Variants in MIPOL1 observed in about 807,000 individuals in gnomAD.
MIPOL1 encodes mirror-image polydactyly gene 1 protein.
Under a neutral mutation model 60.9 loss-of-function variants are expected in MIPOL1, and 57 were observed. That is an observed-to-expected ratio of 0.94 (90% CI 0.76 to 1.17). The LOEUF (loss-of-function observed/expected upper bound fraction) is 1.17. Among genes scored for constraint, MIPOL1 ranks in the 50% most tolerant of loss-of-function variants. The pLI is 0.00. For synonymous variants in MIPOL1, 179 were observed against 168.8 expected (o/e 1.06, Z -0.47); for missense variants, 551 against 511.6 (o/e 1.08, Z -0.74).
intron 1 of MIPOL1, among the ~76,000 whole-genome samples, chr14:37,222,211 C>T (rs117679242): frequency 0.015 from 2,191 of 150,132 alleles, 22 homozygotes; most frequent in Middle Eastern, 0.024. Context: ...AACCTAACAG[C>T]GAAAACATTG....
In MIPOL1 at chr14:37,496,888, C is replaced by T. The variant is rs2095139127; in HGVS notation, c.1032-3020C>T. Among the ~76,000 whole-genome samples, 3 of 151,878 alleles carry T rather than the reference C, an allele frequency of 2.0e-5. No homozygotes were observed. The South Asian group carries it at 6.2e-4, about 32-fold the overall frequency. ...AACAAAGCTGGAGGCATCACACTAC[C>T]TGACTTCAAACTATACTACAAGGCT... On this transcript the variant is annotated intron_variant, in intron 11 of 12. Coordinates refer to ENST00000684589, the MANE Select transcript of MIPOL1 (RefSeq NM_001388067.1).
chr14:37,467,382 A>T (rs564137081), intron 11 of MIPOL1, among the ~76,000 whole-genome samples: 22 of 152,236 alleles, frequency 1.4e-4, no homozygotes, highest in Non-Finnish European at 2.5e-4. Context: ...AATGATTAAC[A>T]CTTCTCTATA....
At chr14:37,341,626 G>A (rs1302686206) in intron 9 of MIPOL1, among the ~76,000 whole-genome samples, 1 of 151,914 alleles carries the variant, frequency 6.6e-6, no homozygotes, top group Admixed American at 6.6e-5. Context: ...TTTTTTATAA[G>A]TTTAGATGGG....
intron 3 of MIPOL1, among the ~76,000 whole-genome samples, chr14:37,249,145 A>G (rs1973682335): frequency 6.6e-6 from 1 of 152,110 alleles, no homozygotes; most frequent in African/African-American, 2.4e-5. Flanking sequence ...TTCTTTCTGA[A>G]TGTGATATTA....
chr14:37,313,855 C>T (rs1250438172), intron 9 of MIPOL1, among the ~76,000 whole-genome samples: 2 of 152,208 alleles, frequency 1.3e-5, no homozygotes, highest in African/African-American at 2.4e-5. Flanking sequence ...GAGCAAAGCA[C>T]AGCAAGGCAA....
intron 7 of MIPOL1, among the ~76,000 whole-genome samples, chr14:37,293,293 C>G (rs903353457): frequency 2.6e-5 from 4 of 152,064 alleles, no homozygotes; most frequent in African/African-American, 7.2e-5. Flanking sequence ...ATCTTTGCAC[C>G]CTGCACCCCC....
intron 9 of MIPOL1, among the ~76,000 whole-genome samples, chr14:37,358,273 A>G (rs557682899): frequency 1.3e-5 from 2 of 152,186 alleles, no homozygotes; most frequent in East Asian, 1.9e-4. Context: ...AATCTTTGCT[A>G]TTGTGAATAG....
At chr14:37,279,064 A>T (rs1459973115) in intron 6 of MIPOL1, among the ~76,000 whole-genome samples, 2 of 151,438 alleles carry the variant, frequency 1.3e-5, no homozygotes, top group Non-Finnish European at 3.0e-5. Context: ...ACACCCAATG[A>T]TTTGTTTTAC....
intron 1 of MIPOL1, among the ~76,000 whole-genome samples, chr14:37,209,222 T>C (rs973533997): frequency 2.0e-5 from 3 of 152,242 alleles, no homozygotes; most frequent in African/African-American, 7.2e-5. Context: ...TTTCTTTTGA[T>C]TAATCTGTGC....
intron 9 of MIPOL1, among the ~76,000 whole-genome samples, chr14:37,353,882 A>G (rs1192008300): frequency 1.3e-5 from 2 of 151,956 alleles, no homozygotes; most frequent in Non-Finnish European, 2.9e-5. Context: ...AATTTTTTGA[A>G]TGGTTTTTTG....
At chr14:37,241,317 C>T (rs755619230) in intron 1 of MIPOL1, among the ~76,000 whole-genome samples, 2 of 152,062 alleles carry the variant, frequency 1.3e-5, no homozygotes, top group Non-Finnish European at 2.9e-5. Context: ...AGTCCACTTT[C>T]CCCAGTACAC....
chr14:37,463,687 C>T (rs2094566192), intron 11 of MIPOL1, among the ~76,000 whole-genome samples: 1 of 152,142 alleles, frequency 6.6e-6, no homozygotes, highest in African/African-American at 2.4e-5. Flanking sequence ...CTCTTCCGGA[C>T]ATCAGCCTAA....
intron 6 of MIPOL1, among the ~76,000 whole-genome samples, chr14:37,282,834 A>G (rs1439498465): frequency 6.6e-6 from 1 of 151,664 alleles, no homozygotes; most frequent in South Asian, 2.1e-4. Context: ...AGTATTCAGC[A>G]TGGATCTAAT....
chr14:37,407,436 A>G (rs113416695), intron 10 of MIPOL1, among the ~76,000 whole-genome samples: 2,155 of 152,256 alleles, frequency 0.014, 24 homozygotes, highest in Non-Finnish European at 0.023. Context: ...GGAATATTTC[A>G]ATTTCTATTT....
chr14:37,230,065 TTG>T (rs1447597425), intron 1 of MIPOL1, among the ~76,000 whole-genome samples: 3 of 152,200 alleles, frequency 2.0e-5, no homozygotes, highest in African/African-American at 7.2e-5. Context: ...AGAGTAGATT[TTG>T]TGTTTTCACC....
intron 9 of MIPOL1, among the ~76,000 whole-genome samples, chr14:37,327,825 A>C (rs189299432): frequency 1.3e-5 from 2 of 152,318 alleles, no homozygotes. Flanking sequence ...AAGGCAGAAG[A>C]ATAGCAAGTT....
At chr14:37,540,847 T>C (rs2095526837) in intron 12 of MIPOL1, among the ~76,000 whole-genome samples, 1 of 152,218 alleles carries the variant, frequency 6.6e-6, no homozygotes, top group African/African-American at 2.4e-5. Flanking sequence ...GGTTCCCTTT[T>C]AGTACTTTCA....
intron 10 of MIPOL1, among the ~76,000 whole-genome samples, chr14:37,398,429 A>G (rs2093419343): frequency 6.6e-6 from 1 of 152,078 alleles, no homozygotes; most frequent in Non-Finnish European, 1.5e-5. Context: ...TAAAATTCGC[A>G]ATGTGAGCCT....
chr14:37,268,505 A>G (rs1010595401), intron 4 of MIPOL1, among the ~76,000 whole-genome samples, 153 bp from the exon 5 acceptor site: 9 of 152,168 alleles, frequency 5.9e-5, no homozygotes, highest in African/African-American at 2.2e-4. Context: ...TTACAAATTT[A>G]ATATAAGGCC....
Sources: gnomAD v4.1 joint callset for allele counts (sites outside exome capture counted in the v4.1 genomes callset) on GRCh38, gnomAD v4.1.1 for gene constraint, MANE v1.5 for transcripts, NCBI Gene and HGNC (gene_info 2026-07-23, HGNC 2026-07-21) for gene names.